The following CC2D2A variants were observed in gnomAD, a reference collection of about 807,000 sequenced individuals.
CC2D2A encodes the protein coiled-coil and C2 domain containing 2A.
Under a neutral mutation model 212.9 loss-of-function variants are expected in CC2D2A, and 155 were observed. The ratio of observed to expected loss-of-function variants is 0.73; its 90% CI spans 0.64 to 0.83. The LOEUF is 0.83. CC2D2A is among the 40% of genes least tolerant of loss of function. CC2D2A has a pLI of 0.00. For missense variants in CC2D2A, 1,856 were observed against 1,956.2 expected, an observed-to-expected ratio of 0.95 and a Z score of 0.97; for synonymous variants, 667 against 686.5, an observed-to-expected ratio of 0.97 and a Z score of 0.44.
At chr4:15,572,692 T>C (rs756993111) in intron 28 of CC2D2A, among the ~76,000 whole-genome samples, 1 of 151,780 alleles carries the variant, frequency 6.6e-6, no homozygotes, top group East Asian at 1.9e-4. Context: ...AGGATAGATA[T>C]ATATATATGA....
intron 16 of CC2D2A, among the ~76,000 whole-genome samples, chr4:15,540,373 A>ACT (rs1292935197): frequency 6.6e-6 from 1 of 152,084 alleles, no homozygotes; most frequent in Non-Finnish European, 1.5e-5. Flanking sequence ...ACATTCACTT[A>ACT]CTGTCTGAAA....
chr4:15,596,965 G>T (rs1002067247), intron 34 of CC2D2A, among the ~76,000 whole-genome samples: 2 of 152,176 alleles, frequency 1.3e-5, no homozygotes, highest in Admixed American at 6.5e-5. Flanking sequence ...AGCACAAGTT[G>T]CATGTTCATA....
At chr4:15,563,011 C>A (rs1719690593) in intron 23 of CC2D2A, among the ~76,000 whole-genome samples, 1 of 152,162 alleles carries the variant, frequency 6.6e-6, no homozygotes, top group Non-Finnish European at 1.5e-5. Flanking sequence ...TGCAGGGAGG[C>A]ATTCCCTCTG....
rs145525911 is a variant in CC2D2A, at chr4:15,514,994, G to C, written c.880+125G>C. 3 of 806,310 alleles carry C rather than the reference G, an allele frequency of 3.7e-6. No individual in the cohort carries two copies. The East Asian group carries it at 7.8e-5, about 21-fold the overall frequency. The allele number at this position is 806,310 out of a possible 1,614,324, so 49.9% of individuals were successfully genotyped here. On this transcript the variant is annotated intron_variant, in intron 9 of 36. Coordinates refer to ENST00000424120, the MANE Select transcript of CC2D2A (RefSeq NM_001378615.1). ...TTCCAGTTTCTAATCTAACAATCAAGAAATATCTTCAAACAAACAAAAAAA... is the reference window on the plus strand; with the variant it reads ...TTCCAGTTTCTAATCTAACAATCAACAAATATCTTCAAACAAACAAAAAAA...
intron 13 of CC2D2A, among the ~76,000 whole-genome samples, chr4:15,530,526 T>C (rs1717794069): frequency 6.6e-6 from 1 of 152,204 alleles, no homozygotes; most frequent in East Asian, 1.9e-4. Flanking sequence ...TATATGGAAC[T>C]GTCTTTATTG....
At chr4:15,470,354 GTGTTGCA>G (rs1713642539) in intron 1 of CC2D2A, among the ~76,000 whole-genome samples, 1 of 152,132 alleles carries the variant, frequency 6.6e-6, no homozygotes, top group Admixed American at 6.5e-5. Flanking sequence ...CATTAGCTGC[GTGTTGCA>G]TTTATGGGCC....
At chr4:15,587,725 T>C in intron 31 of CC2D2A, 91 bp from the exon 32 acceptor site, 3 of 695,832 alleles carry the variant, frequency 4.3e-6, no homozygotes, top group Non-Finnish European at 7.7e-6. Context: ...TTCAAGACAC[T>C]AACCTCTACT....
At chr4:15,592,147 C>T (rs1194157193) in intron 33 of CC2D2A, among the ~76,000 whole-genome samples, 1 of 152,144 alleles carries the variant, frequency 6.6e-6, no homozygotes, top group Non-Finnish European at 1.5e-5. Flanking sequence ...TTCCACTGTG[C>T]TTGTTTCCAT....
intron 4 of CC2D2A, among the ~76,000 whole-genome samples, chr4:15,495,891 A>C (rs761730845): frequency 6.6e-6 from 1 of 152,164 alleles, no homozygotes; most frequent in Non-Finnish European, 1.5e-5. Flanking sequence ...CTTTGCCAGC[A>C]TCTGTTATTT....
At chr4:15,555,650 G>A (rs771919190) in intron 20 of CC2D2A, among the ~76,000 whole-genome samples, 13 of 152,168 alleles carry the variant, frequency 8.5e-5, no homozygotes, top group Non-Finnish European at 1.5e-4. Context: ...GAGGTGGGAG[G>A]ATCAATTGAG....
intron 13 of CC2D2A, among the ~76,000 whole-genome samples, chr4:15,530,267 G>A (rs1717779613): frequency 6.6e-6 from 1 of 152,292 alleles, no homozygotes; most frequent in Admixed American, 6.5e-5. Context: ...CACCGCGCCC[G>A]GCCAGAGGCA....
intron 20 of CC2D2A, among the ~76,000 whole-genome samples, chr4:15,555,875 T>C (rs1438922253): frequency 2.0e-5 from 3 of 152,230 alleles, no homozygotes; most frequent in Admixed American, 6.5e-5. Context: ...GAGAGGAAGC[T>C]GAGTTCAGAA....
At chr4:15,536,600 C>T (rs1718142463) in intron 14 of CC2D2A, among the ~76,000 whole-genome samples, 1 of 151,956 alleles carries the variant, frequency 6.6e-6, no homozygotes, top group Non-Finnish European at 1.5e-5. Context: ...ACTTACAGGC[C>T]CCATGTCAGC....
chr4:15,530,901 C>T (rs1375677103), intron 13 of CC2D2A, among the ~76,000 whole-genome samples: 3 of 151,862 alleles, frequency 2.0e-5, no homozygotes, highest in Non-Finnish European at 4.4e-5. Context: ...TTTTCCATAG[C>T]GGCATCATGA....
intron 4 of CC2D2A, among the ~76,000 whole-genome samples, chr4:15,488,250 G>A (rs1483026357): frequency 1.3e-5 from 2 of 152,150 alleles, no homozygotes; most frequent in Non-Finnish European, 2.9e-5. Flanking sequence ...ATCTGGTGAT[G>A]ATGAAATCCC....
intron 23 of CC2D2A, among the ~76,000 whole-genome samples, 152 bp downstream of exon 23, chr4:15,560,774 G>T (rs1187530314): frequency 7.2e-5 from 11 of 152,160 alleles, no homozygotes; most frequent in Non-Finnish European, 7.3e-5. Context: ...AATACCTGAT[G>T]ATGACATTAG....
At chr4:15,528,828 G>A in intron 13 of CC2D2A, 102 bp downstream of exon 13, 3 of 727,648 alleles carry the variant, frequency 4.1e-6, no homozygotes, top group South Asian at 1.9e-5. Context: ...ATGAATACAT[G>A]TGAAATTATG....
chr4:15,523,318 G>A (rs1394149313), intron 11 of CC2D2A, among the ~76,000 whole-genome samples: 3 of 152,146 alleles, frequency 2.0e-5, no homozygotes, highest in Non-Finnish European at 4.4e-5. Flanking sequence ...GCCATAGAGA[G>A]ACTTTGTGCC....
intron 28 of CC2D2A, among the ~76,000 whole-genome samples, 161 bp from the exon 29 acceptor site, chr4:15,573,989 C>T (rs548159432): frequency 2.6e-5 from 4 of 152,254 alleles, no homozygotes; most frequent in East Asian, 1.9e-4. Context: ...CCCTTTCTGG[C>T]GAGTGCTTAG....
Sources: allele counts gnomAD v4.1 joint callset (sites outside exome capture counted in the v4.1 genomes callset), GRCh38; gene constraint gnomAD v4.1.1; transcripts MANE v1.5; gene names NCBI Gene and HGNC (gene_info 2026-07-23, HGNC 2026-07-21).